Variants in SERGEF observed in about 807,000 individuals in gnomAD.
The protein encoded by SERGEF is secretion-regulating guanine nucleotide exchange factor.
A neutral mutation model predicts 50.0 loss-of-function variants in SERGEF; 51 were observed. The observed-to-expected ratio is 1.02, with a 90% CI of 0.81 to 1.29. SERGEF has a LOEUF of 1.29. SERGEF is among the 50% of genes most tolerant of loss of function. The probability of loss-of-function intolerance (pLI) is 0.00; values close to 1 mark genes in which losing one functional copy is unlikely to be tolerated. For synonymous variants in SERGEF, 205 were observed against 212.4 expected, an observed-to-expected ratio of 0.97 and a Z score of 0.30; for missense variants, 521 against 557.0, an observed-to-expected ratio of 0.94 and a Z score of 0.65.
intron 5 of SERGEF, among the ~76,000 whole-genome samples, chr11:17,998,530 G>GTC (rs771246894): frequency 7.4e-6 from 1 of 134,308 alleles, no homozygotes; most frequent in Non-Finnish European, 1.6e-5. Context: ...ATGTTTATAT[G>GTC]TGTGTGTGTG....
intron 9 of SERGEF, among the ~76,000 whole-genome samples, chr11:17,911,833 A>G (rs1851960073): frequency 6.6e-6 from 1 of 152,188 alleles, no homozygotes; most frequent in African/African-American, 2.4e-5. Context: ...GAGCATATCT[A>G]TCACCAAAAA....
chr11:17,836,862 C>A (rs1004164341), intron 10 of SERGEF, among the ~76,000 whole-genome samples: 14 of 152,262 alleles, frequency 9.2e-5, no homozygotes, highest in African/African-American at 3.4e-4. Context: ...CTGAGATTCA[C>A]CTATCTACAA....
chr11:17,868,440 C>T (rs1851072915), intron 10 of SERGEF, among the ~76,000 whole-genome samples: 2 of 152,194 alleles, frequency 1.3e-5, no homozygotes, highest in Non-Finnish European at 2.9e-5. Context: ...ATTCCATTGT[C>T]CATATCATTA....
intron 8 of SERGEF, among the ~76,000 whole-genome samples, chr11:17,980,347 T>C (rs1362369207): frequency 6.6e-6 from 1 of 152,148 alleles, no homozygotes; most frequent in African/African-American, 2.4e-5. Flanking sequence ...CTTGCCTCTC[T>C]TCCATGCAAC....
intron 10 of SERGEF, among the ~76,000 whole-genome samples, chr11:17,874,853 C>A (rs1367576847): frequency 6.6e-6 from 1 of 151,866 alleles, no homozygotes; most frequent in Non-Finnish European, 1.5e-5. Context: ...CTGGGAAAGA[C>A]ACTTCCTTCT....
At chr11:17,943,352 T>C (rs1228596428) in intron 9 of SERGEF, among the ~76,000 whole-genome samples, 10 of 152,210 alleles carry the variant, frequency 6.6e-5, no homozygotes, top group African/African-American at 2.4e-4. Flanking sequence ...AGTTGCTGAA[T>C]TTATAGGCAT....
rs773750904 is a variant in SERGEF at position 18,004,394 on chromosome 11, A to G, written c.447+47T>C. 1.4e-5 allele frequency: 19 copies of G among 1,396,226 alleles called. No individual in the cohort carries two copies. The East Asian group carries it at 4.1e-4, about 30-fold the overall frequency. The allele number at this position is 1,396,226 out of a possible 1,614,324, so 86.5% of individuals were successfully genotyped here. ...GGGGAGAGATAGGTTAATACCTTGG[A>G]AACACTTTAACAGGTCATGGGCAAG... On this transcript the variant is annotated intron_variant, in intron 4 of 10. Transcript: ENST00000265965.
At position 17,878,190 on chromosome 11, in the gene SERGEF, A is replaced by C; in HGVS notation, c.1048+18T>G. 1 of 1,543,242 alleles carries C rather than the reference A, an allele frequency of 6.5e-7. No homozygotes were observed. The highest frequency in any genetic ancestry group is 1.1e-5 in the South Asian group (1 of 87,168). Reference sequence around the variant, plus strand: ...ATGATTTTCAGAAGAAACAGTTATCAGTATAAAAATTACTTACCAATTATT... The same window carrying C: ...ATGATTTTCAGAAGAAACAGTTATCCGTATAAAAATTACTTACCAATTATT... On this transcript the variant is annotated intron_variant, in intron 10 of 10. Transcript: ENST00000265965.
chr11:17,910,202 C>CTCTG (rs1252412148), intron 9 of SERGEF, among the ~76,000 whole-genome samples: 64 of 151,754 alleles, frequency 4.2e-4, no homozygotes, highest in Middle Eastern at 3.4e-3. Context: ...CACTCTCTCT[C>CTCTG]TCTCTCTCTC....
intron 10 of SERGEF, among the ~76,000 whole-genome samples, chr11:17,792,578 A>C (rs1849501689): frequency 6.6e-6 from 1 of 152,228 alleles, no homozygotes; most frequent in Admixed American, 6.5e-5. Flanking sequence ...TTTCATGCCC[A>C]CTGGGTCGAG....
intron 10 of SERGEF, among the ~76,000 whole-genome samples, chr11:17,820,380 C>T (rs1173032175): frequency 6.6e-6 from 1 of 152,210 alleles, no homozygotes; most frequent in African/African-American, 2.4e-5. Context: ...ACCCCCTCAA[C>T]TGGACACTTG....
intron 10 of SERGEF, among the ~76,000 whole-genome samples, chr11:17,815,190 GAAAACAA>G (rs1337931722): frequency 2.0e-5 from 3 of 150,788 alleles, no homozygotes; most frequent in Non-Finnish European, 4.4e-5. Context: ...CATCTCTTAA[GAAAACAA>G]AAAACAAAAA....
rs184246694 is a variant in SERGEF, at chr11:17,894,053, C to T, written c.1012-15809G>A. Among the ~76,000 whole-genome samples the T allele has an allele frequency of 2.2e-3, 328 of 152,292 alleles. 2 individuals are homozygous for T. The highest frequency in any genetic ancestry group is 7.6e-3 in the African/African-American group (317 of 41,556). ...AAAGTACAAGTGAATTATTTTGCTCCACATTGCCGAAGTCCAAATTCCTTT... is the reference window on the plus strand; with the variant it reads ...AAAGTACAAGTGAATTATTTTGCTCTACATTGCCGAAGTCCAAATTCCTTT... On this transcript the variant is annotated intron_variant, in intron 9 of 10. Transcript: ENST00000265965.
At chr11:17,882,191 G>T (rs554927317) in intron 9 of SERGEF, among the ~76,000 whole-genome samples, 1 of 152,180 alleles carries the variant, frequency 6.6e-6, no homozygotes, top group East Asian at 1.9e-4. Context: ...CAAGGCGGGG[G>T]GATCGTTTGA....
chr11:17,992,118 G>A (rs891290522), intron 7 of SERGEF, among the ~76,000 whole-genome samples: 1 of 152,172 alleles, frequency 6.6e-6, no homozygotes, highest in Non-Finnish European at 1.5e-5. Flanking sequence ...CAAATGGAAG[G>A]ATGAATGCGC....
intron 8 of SERGEF, among the ~76,000 whole-genome samples, chr11:17,980,014 A>C (rs1262786694): frequency 6.6e-6 from 1 of 152,092 alleles, no homozygotes; most frequent in Non-Finnish European, 1.5e-5. Flanking sequence ...CTTCTACTCC[A>C]ATTCACCCTG....
intron 9 of SERGEF, among the ~76,000 whole-genome samples, chr11:17,942,402 T>A (rs1393731542): frequency 4.6e-5 from 7 of 152,202 alleles, no homozygotes; most frequent in East Asian, 3.8e-4. Flanking sequence ...AACTGCTTTT[T>A]AAAAATTTTC....
At chr11:17,851,056 T>C (rs1409225242) in intron 10 of SERGEF, among the ~76,000 whole-genome samples, 4 of 152,168 alleles carry the variant, frequency 2.6e-5, no homozygotes, top group Admixed American at 2.0e-4. Flanking sequence ...GATACCTACC[T>C]TAGATAAATT....
At chr11:17,903,700 C>T (rs1026829335) in intron 9 of SERGEF, among the ~76,000 whole-genome samples, 5 of 152,054 alleles carry the variant, frequency 3.3e-5, no homozygotes, top group South Asian at 2.1e-4. Flanking sequence ...AGTTAAAACA[C>T]GGGGAGAGAT....
Sources: gnomAD v4.1 joint callset for allele counts (sites outside exome capture counted in the v4.1 genomes callset) on GRCh38, gnomAD v4.1.1 for gene constraint, MANE v1.5 for transcripts, NCBI Gene and HGNC (gene_info 2026-07-23, HGNC 2026-07-21) for gene names.